Variants in ANKFN1 observed in about 807,000 individuals in gnomAD.
The protein encoded by ANKFN1 is ankyrin repeat and fibronectin type-III domain-containing protein 1.
A neutral mutation model predicts 108.7 loss-of-function variants in ANKFN1; 74 were observed. The ratio of observed to expected loss-of-function variants is 0.68; its 90% CI spans 0.56 to 0.83. The LOEUF is 0.83. Ranked by LOEUF, ANKFN1 falls within the 40% of genes least tolerant of loss-of-function variation. ANKFN1 has a pLI of 0.00. For synonymous variants in ANKFN1, 547 were observed against 516.2 expected (o/e 1.06, Z -0.81); for missense variants, 1,505 against 1,382.3 (o/e 1.09, Z -1.41).
At chr17:56,406,307 C>A (rs1162831167) in intron 8 of ANKFN1, among the ~76,000 whole-genome samples, 1 of 152,004 alleles carries the variant, frequency 6.6e-6, no homozygotes, top group Non-Finnish European at 1.5e-5. Context: ...CCTATATTGA[C>A]AAACAGGAGA....
At chr17:56,336,202 T>C (rs1469521007) in intron 4 of ANKFN1, among the ~76,000 whole-genome samples, 1 of 152,176 alleles carries the variant, frequency 6.6e-6, no homozygotes, top group Non-Finnish European at 1.5e-5. Flanking sequence ...TCTGCCAGGC[T>C]TTGGTATCAG....
At chr17:56,376,183 C>T (rs1257416348) in intron 8 of ANKFN1, among the ~76,000 whole-genome samples, 1 of 152,146 alleles carries the variant, frequency 6.6e-6, no homozygotes, top group African/African-American at 2.4e-5. Context: ...CATTCTCAGG[C>T]CTGTCCCTCT....
intron 3 of ANKFN1, among the ~76,000 whole-genome samples, chr17:56,270,680 G>A (rs1331403953): frequency 6.6e-6 from 1 of 152,104 alleles, no homozygotes; most frequent in Non-Finnish European, 1.5e-5. Flanking sequence ...AAGCCTCATT[G>A]GCTCCTCCAA....
At chr17:56,079,393 A>G (rs1471059109) in intron 4 of ANKFN1, among the ~76,000 whole-genome samples, 1 of 152,190 alleles carries the variant, frequency 6.6e-6, no homozygotes, top group Non-Finnish European at 1.5e-5. Flanking sequence ...CATTAGTGCC[A>G]AGACCAAACA....
chr17:56,070,550 G>A (rs1034677849), intron 4 of ANKFN1, among the ~76,000 whole-genome samples: 1 of 152,066 alleles, frequency 6.6e-6, no homozygotes, highest in Admixed American at 6.6e-5. Flanking sequence ...TCACATTCAT[G>A]AGTACTGGGG....
At chr17:56,072,403 A>G (rs1905130933) in intron 4 of ANKFN1, among the ~76,000 whole-genome samples, 1 of 152,148 alleles carries the variant, frequency 6.6e-6, no homozygotes, top group African/African-American at 2.4e-5. Flanking sequence ...AGTGTAATCA[A>G]CACTAGATCA....
chr17:56,334,261 A>G (rs2045744903), intron 4 of ANKFN1, among the ~76,000 whole-genome samples: 1 of 152,004 alleles, frequency 6.6e-6, no homozygotes, highest in Non-Finnish European at 1.5e-5. Context: ...ATGAAACATG[A>G]TCTATAGTAT....
At chr17:56,282,372 A>G (rs1454914278) in intron 3 of ANKFN1, among the ~76,000 whole-genome samples, 1 of 151,938 alleles carries the variant, frequency 6.6e-6, no homozygotes, top group Admixed American at 6.6e-5. Context: ...CAAATGTCCT[A>G]TCTTGATTGG....
chr17:56,258,347 C>T (rs2043410648), intron 3 of ANKFN1: 1 of 152,108 alleles, frequency 6.6e-6, no homozygotes, highest in Non-Finnish European at 1.5e-5. Flanking sequence ...AAAATAAAGA[C>T]AATATTGTAA....
At chr17:56,407,117 T>C (rs2047945852) in intron 8 of ANKFN1, among the ~76,000 whole-genome samples, 1 of 152,182 alleles carries the variant, frequency 6.6e-6, no homozygotes, top group Admixed American at 6.5e-5. Context: ...ATAGTATCTG[T>C]TTTCAAACTT....
At chr17:56,062,531 T>A (rs1394514654) in intron 4 of ANKFN1, among the ~76,000 whole-genome samples, 6 of 151,658 alleles carry the variant, frequency 4.0e-5, no homozygotes, top group South Asian at 2.1e-4. Context: ...AAAGTCTTTT[T>A]TGTCAGAGAC....
At chr17:56,164,666 A>G (rs1567812657) in intron 1 of ANKFN1, among the ~76,000 whole-genome samples, 1 of 152,200 alleles carries the variant, frequency 6.6e-6, no homozygotes, top group South Asian at 2.1e-4. Context: ...AACACAGTCA[A>G]ATGCCCCCAA....
At position 56,482,352 on chromosome 17, in the gene ANKFN1, G is replaced by T. The variant is rs780749351; in HGVS notation, c.2092-4G>T. 3 of 1,592,754 alleles carry T rather than the reference G, an allele frequency of 1.9e-6. No homozygotes were observed. The African/African-American group carries it at 4.0e-5, about 21-fold the overall frequency. On this transcript the variant is annotated splice_polypyrimidine_tract_variant and splice_region_variant and intron_variant, in intron 17 of 20. Coordinates refer to ENST00000682825, the MANE Select transcript of ANKFN1 (RefSeq NM_001370326.1). ...ATTTTTCCTCCGCGCGTGTCCCTCT[G>T]CAGGCAAGGAACTTCCGCCTCTACA...
chr17:56,048,682 G>C (rs1295476268), intron 4 of ANKFN1, among the ~76,000 whole-genome samples: 1 of 152,162 alleles, frequency 6.6e-6, no homozygotes, highest in Non-Finnish European at 1.5e-5. Context: ...TCCCTGTAAA[G>C]GATGAAGAAA....
At chr17:56,243,911 C>A (rs2144017574) in intron 3 of ANKFN1, among the ~76,000 whole-genome samples, 1 of 152,110 alleles carries the variant, frequency 6.6e-6, no homozygotes, top group African/African-American at 2.4e-5. Flanking sequence ...AGTTCTGGGC[C>A]TTTGAAGACA....
At chr17:56,203,458 T>C (rs947699162) in intron 1 of ANKFN1, among the ~76,000 whole-genome samples, 1 of 152,196 alleles carries the variant, frequency 6.6e-6, no homozygotes, top group Admixed American at 6.5e-5. Flanking sequence ...TCCTGATCTC[T>C]AGGACTTTGA....
intron 1 of ANKFN1, among the ~76,000 whole-genome samples, chr17:56,190,174 A>C (rs1271624156): frequency 1.4e-5 from 1 of 72,832 alleles, no homozygotes; most frequent in African/African-American, 6.7e-5. Flanking sequence ...TCCTGGATTC[A>C]TTGATTTTTT....
intron 8 of ANKFN1, among the ~76,000 whole-genome samples, chr17:56,414,904 C>T (rs940279534): frequency 1.3e-5 from 2 of 151,996 alleles, no homozygotes; most frequent in Non-Finnish European, 2.9e-5. Flanking sequence ...CCTGTGGTCC[C>T]AGCTACTCTG....
chr17:56,152,728 A>G (rs1908735304), upstream of ANKFN1, among the ~76,000 whole-genome samples: 1 of 152,164 alleles, frequency 6.6e-6, no homozygotes, highest in Non-Finnish European at 1.5e-5. Flanking sequence ...TCAGGGTCCA[A>G]TCAAACTCTC....
Sources: allele counts gnomAD v4.1 joint callset (sites outside exome capture counted in the v4.1 genomes callset), GRCh38; gene constraint gnomAD v4.1.1; transcripts MANE v1.5; gene names NCBI Gene and HGNC (gene_info 2026-07-23, HGNC 2026-07-21).